Variants in CNTNAP2 observed in about 807,000 individuals in gnomAD.
CNTNAP2 encodes contactin associated protein 2.
In CNTNAP2, 98 loss-of-function variants were observed where a neutral mutation model predicts 155.2. That is an observed-to-expected ratio of 0.63 (90% CI 0.54 to 0.75). CNTNAP2 has a LOEUF of 0.75. CNTNAP2 is among the 30% of genes least tolerant of loss of function. CNTNAP2 has a pLI of 0.00. For synonymous variants in CNTNAP2, 651 were observed against 631.2 expected (o/e 1.03, Z -0.47); for missense variants, 1,727 against 1,688.1 (o/e 1.02, Z -0.40).
chr7:147,772,408 A>AATATAT (rs1554432776), intron 13 of CNTNAP2, among the ~76,000 whole-genome samples: 2 of 133,168 alleles, frequency 1.5e-5, no homozygotes, highest in Admixed American at 8.0e-5. Flanking sequence ...TAAAAAAAAA[A>AATATAT]ATATATATAT....
At chr7:147,598,570 C>G (rs1385315218) in intron 12 of CNTNAP2, among the ~76,000 whole-genome samples, 1 of 152,138 alleles carries the variant, frequency 6.6e-6, no homozygotes, top group Non-Finnish European at 1.5e-5. Context: ...TTCTATTCAG[C>G]ATCCTCATTT....
At chr7:146,693,187 T>A (rs1249285796) in intron 1 of CNTNAP2, among the ~76,000 whole-genome samples, 2 of 152,148 alleles carry the variant, frequency 1.3e-5, no homozygotes, top group African/African-American at 4.8e-5. Context: ...ATTAGCTGTG[T>A]AATAATCTTC....
intron 10 of CNTNAP2, among the ~76,000 whole-genome samples, chr7:147,453,534 T>C (rs1797869733): frequency 6.6e-6 from 1 of 152,178 alleles, no homozygotes; most frequent in Admixed American, 6.6e-5. Flanking sequence ...AATTATCACA[T>C]TCAGTTCTCA....
chr7:146,662,717 G>T (rs921376692), intron 1 of CNTNAP2, among the ~76,000 whole-genome samples: 3 of 151,816 alleles, frequency 2.0e-5, no homozygotes, highest in African/African-American at 7.3e-5. Context: ...CATTTTCTTT[G>T]ATAATTTTTG....
chr7:147,642,600 T>A (rs1795297676), intron 13 of CNTNAP2, among the ~76,000 whole-genome samples: 1 of 152,102 alleles, frequency 6.6e-6, no homozygotes, highest in Non-Finnish European at 1.5e-5. Context: ...AAGCACTCTG[T>A]TAGTTGCATT....
rs34947567 is a variant in CNTNAP2 at position 147,219,942 on chromosome 7, ATT to A, written c.1349-80180_1349-80179del. Among the ~76,000 whole-genome samples, 845 of 122,992 alleles carry A rather than the reference ATT, an allele frequency of 6.9e-3. 2 individuals carry two copies. Among genetic ancestry groups the A allele is most frequent in the Middle Eastern group, 0.022 (5 of 224 alleles). 80.7% of individuals were successfully genotyped at this position (122,992 alleles called of 152,430 possible). On this transcript the variant is annotated intron_variant, in intron 8 of 23. Coordinates refer to ENST00000361727, the MANE Select transcript of CNTNAP2 (RefSeq NM_014141.6). ...AGGCACCCACCACCACGCCCAGCTA[ATT>A]TTTTTTTTTTTTTTTTTTGTATTTT...
chr7:146,161,321 A>G (rs1411089876), intron 1 of CNTNAP2, among the ~76,000 whole-genome samples: 1 of 152,204 alleles, frequency 6.6e-6, no homozygotes, highest in Non-Finnish European at 1.5e-5. Flanking sequence ...CACCACTCCT[A>G]TTCAACATAT....
chr7:146,807,584 A>G (rs562929929), intron 2 of CNTNAP2, among the ~76,000 whole-genome samples: 143 of 152,164 alleles, frequency 9.4e-4, no homozygotes, highest in African/African-American at 3.3e-3. Flanking sequence ...TCATGGTGAC[A>G]ATGTAACCGA....
Position 147,966,348 on chromosome 7 carries a change from T to C in CNTNAP2, c.2256-11514T>C, listed in dbSNP as rs924461132. Among the ~76,000 whole-genome samples, 12 of 152,324 alleles carry C rather than the reference T, an allele frequency of 7.9e-5. No individual in the cohort carries two copies. The South Asian group carries it at 1.5e-3, about 18-fold the overall frequency. ...TAATGCTCTTTTGAGAAAACCATGCTATTTAAGCAAAAATTTAGGGAGTGG... is the reference window on the plus strand; with the variant it reads ...TAATGCTCTTTTGAGAAAACCATGCCATTTAAGCAAAAATTTAGGGAGTGG... On this transcript the variant is annotated intron_variant, in intron 14 of 23. Transcript: ENST00000361727.
chr7:147,071,505 C>T (rs1799891048), intron 4 of CNTNAP2, among the ~76,000 whole-genome samples: 1 of 152,060 alleles, frequency 6.6e-6, no homozygotes, highest in Admixed American at 6.6e-5. Context: ...TTCCTGATGG[C>T]AGAAAAAGCT....
chr7:147,424,190 A>G (rs780463847), intron 10 of CNTNAP2, among the ~76,000 whole-genome samples: 17 of 151,960 alleles, frequency 1.1e-4, no homozygotes, highest in Admixed American at 2.0e-4. Flanking sequence ...AGCCAATTAC[A>G]TTTCCTAGTT....
chr7:146,734,986 G>T (rs910166884), intron 1 of CNTNAP2, among the ~76,000 whole-genome samples: 10 of 152,072 alleles, frequency 6.6e-5, no homozygotes, highest in Non-Finnish European at 1.5e-4. Context: ...AACCGAGAAA[G>T]AAATCCAGAT....
intron 3 of CNTNAP2, among the ~76,000 whole-genome samples, chr7:146,974,546 T>G (rs1797869490): frequency 6.6e-6 from 1 of 152,228 alleles, no homozygotes; most frequent in Non-Finnish European, 1.5e-5. Context: ...AAAGTCAAAA[T>G]TATTCTGAAA....
intron 21 of CNTNAP2, among the ~76,000 whole-genome samples, chr7:148,290,415 C>T (rs1797169151): frequency 6.6e-6 from 1 of 152,156 alleles, no homozygotes; most frequent in Non-Finnish European, 1.5e-5. Context: ...AAATATTTCT[C>T]TATAATGCTT....
At chr7:146,325,141 G>T (rs1801075424) in intron 1 of CNTNAP2, among the ~76,000 whole-genome samples, 1 of 151,852 alleles carries the variant, frequency 6.6e-6, no homozygotes, top group Admixed American at 6.6e-5. Flanking sequence ...CTGTTGCCCA[G>T]GCTGGTCTTG....
chr7:146,441,743 G>C (rs572633156), intron 1 of CNTNAP2, among the ~76,000 whole-genome samples: 7 of 151,588 alleles, frequency 4.6e-5, no homozygotes, highest in African/African-American at 1.7e-4. Context: ...CATCTCTTCT[G>C]CTGTGTCTCT....
At chr7:146,151,450 A>G (rs1042648434) in intron 1 of CNTNAP2, among the ~76,000 whole-genome samples, 10 of 145,450 alleles carry the variant, frequency 6.9e-5, no homozygotes, top group African/African-American at 2.3e-4. Flanking sequence ...TATGAATTCA[A>G]TTTTTTTTTT....
intron 9 of CNTNAP2, among the ~76,000 whole-genome samples, chr7:147,359,409 G>A (rs1041982972): frequency 1.3e-5 from 2 of 151,906 alleles, no homozygotes; most frequent in African/African-American, 4.8e-5. Context: ...ACCCTTCTTT[G>A]CCTATAGCCT....
chr7:147,861,999 C>CAAAA (rs57139075), intron 13 of CNTNAP2, among the ~76,000 whole-genome samples: 1,638 of 94,804 alleles, frequency 0.017, 56 homozygotes, highest in African/African-American at 0.028. Flanking sequence ...CTCCATCTCA[C>CAAAA]AAAAAAAAAA....
Sources: allele counts gnomAD v4.1 joint callset (sites outside exome capture counted in the v4.1 genomes callset), GRCh38; gene constraint gnomAD v4.1.1; transcripts MANE v1.5; gene names NCBI Gene and HGNC (gene_info 2026-07-23, HGNC 2026-07-21).